ADAM12: variants seen among roughly 807,000 people sequenced by gnomAD.
The protein encoded by ADAM12 is disintegrin and metalloproteinase domain-containing protein 12.
In ADAM12, 70 loss-of-function variants were observed where a neutral mutation model predicts 106.4. That is an observed-to-expected ratio of 0.66 (90% CI 0.54 to 0.80). The LOEUF (loss-of-function observed/expected upper bound fraction) is 0.80. Among genes scored for constraint, ADAM12 ranks in the 30% least tolerant of loss-of-function variants. The probability of loss-of-function intolerance (pLI) is 0.00; values close to 1 mark genes in which losing one functional copy is unlikely to be tolerated. For missense variants in ADAM12, 1,010 were observed against 1,171.9 expected (o/e 0.86, Z 2.02); for synonymous variants, 420 against 433.5 (o/e 0.97, Z 0.39).
In ADAM12 at chr10:126,053,141, C is replaced by T. The variant is rs757887992; in HGVS notation, c.1610-3472G>A. Among the ~76,000 whole-genome samples, 4 of 152,098 alleles carry T rather than the reference C, an allele frequency of 2.6e-5. No individual in the cohort carries two copies. Among genetic ancestry groups the T allele is most frequent in the Middle Eastern group, 3.2e-3 (1 of 316 alleles). On this transcript the variant is annotated intron_variant, in intron 14 of 22. Transcript: ENST00000448723. This position sits in a 1 kb window ranked among gnomAD's most constrained non-coding sequence, Gnocchi z 4.6. ...CTCTCTCTTGCTCCTGCTCCGGCCGCGTGATGTGCCTGCTTCTCCTTCACC... is the reference window on the plus strand; with the variant it reads ...CTCTCTCTTGCTCCTGCTCCGGCCGTGTGATGTGCCTGCTTCTCCTTCACC...
chr10:126,332,676 T>C (rs1253513904), intron 1 of ADAM12, among the ~76,000 whole-genome samples: 2 of 152,132 alleles, frequency 1.3e-5, no homozygotes, highest in African/African-American at 2.4e-5. Flanking sequence ...GCTGCACATA[T>C]AGCCACGAGG....
intron 3 of ADAM12, among the ~76,000 whole-genome samples, chr10:126,193,696 A>G (rs1245106029): frequency 6.6e-6 from 1 of 152,188 alleles, no homozygotes; most frequent in African/African-American, 2.4e-5. Flanking sequence ...CAGGGGTTCG[A>G]GACCAGCCTG....
chr10:126,300,073 T>C (rs1434943983), intron 2 of ADAM12, among the ~76,000 whole-genome samples: 1 of 152,238 alleles, frequency 6.6e-6, no homozygotes, highest in African/African-American at 2.4e-5. Flanking sequence ...AATTCATAAA[T>C]GGATCGTGTG....
At chr10:126,193,768 G>A (rs565032448) in intron 3 of ADAM12, among the ~76,000 whole-genome samples, 2 of 152,086 alleles carry the variant, frequency 1.3e-5, no homozygotes, top group Non-Finnish European at 2.9e-5. Flanking sequence ...GTGGTGGCGT[G>A]CGCCTGTAGT....
At chr10:126,344,866 T>C (rs1313470304) in intron 1 of ADAM12, among the ~76,000 whole-genome samples, 1 of 152,204 alleles carries the variant, frequency 6.6e-6, no homozygotes, top group Non-Finnish European at 1.5e-5. Context: ...TTTTTGCACA[T>C]TGATTTTGTA....
intron 3 of ADAM12, among the ~76,000 whole-genome samples, chr10:126,243,098 T>C (rs1408304684): frequency 6.6e-6 from 1 of 152,204 alleles, no homozygotes; most frequent in Non-Finnish European, 1.5e-5. Flanking sequence ...AGAGCAGCTG[T>C]GATGGCTGCA....
At position 126,257,104 on chromosome 10, in the gene ADAM12, A is replaced by G. The variant is rs1422899785; in HGVS notation, c.260+21811T>C. Among the ~76,000 whole-genome samples the G allele has an allele frequency of 2.0e-5, 3 of 152,284 alleles. No homozygotes were observed. The East Asian group carries it at 5.8e-4, about 29-fold the overall frequency. ...CCACTCTCAGCCCCTTCCTCCCTGA[A>G]CACTGACACCACCTGTATGTGTACT... is the stretch of plus-strand genomic sequence containing the variant. On this transcript the variant is annotated intron_variant, in intron 3 of 22. Coordinates refer to ENST00000448723, the MANE Select transcript of ADAM12 (RefSeq NM_001288973.2).
intron 1 of ADAM12, among the ~76,000 whole-genome samples, chr10:126,338,647 T>G (rs1854805854): frequency 6.6e-6 from 1 of 152,182 alleles, no homozygotes; most frequent in African/African-American, 2.4e-5. Context: ...TAGGTTTTTC[T>G]CAAAGTTGCC....
At chr10:126,227,319 A>G (rs376209171) in intron 3 of ADAM12, among the ~76,000 whole-genome samples, 2,020 of 152,226 alleles carry the variant, frequency 0.013, 38 homozygotes, top group Admixed American at 0.059. Flanking sequence ...CATTGCCATC[A>G]CCACCTGTCA....
At chr10:126,083,126 G>C (rs1278345) in intron 11 of ADAM12, among the ~76,000 whole-genome samples, 105,878 of 152,160 alleles carry the variant, frequency 0.7, 37,262 homozygotes, top group East Asian at 0.82. Flanking sequence ...TTTACTCCAT[G>C]CTGCCTGGAG....
At chr10:126,358,447 C>T (rs1224228302) in intron 1 of ADAM12, among the ~76,000 whole-genome samples, 2 of 152,120 alleles carry the variant, frequency 1.3e-5, no homozygotes, top group South Asian at 2.1e-4. Flanking sequence ...ATTCAATATC[C>T]TTTTATGATA....
intron 3 of ADAM12, among the ~76,000 whole-genome samples, chr10:126,208,170 G>C (rs765094206): frequency 1.4e-4 from 21 of 152,014 alleles, no homozygotes; most frequent in Non-Finnish European, 2.4e-4. Context: ...CACCATAAAA[G>C]GTTCTTAATT....
intron 3 of ADAM12, among the ~76,000 whole-genome samples, chr10:126,200,162 G>A (rs1343729459): frequency 6.6e-6 from 1 of 152,178 alleles, no homozygotes; most frequent in Non-Finnish European, 1.5e-5. Context: ...TGGAACAGGT[G>A]CAAGCTGTTA....
intron 14 of ADAM12, among the ~76,000 whole-genome samples, chr10:126,059,386 A>G (rs1236288835): frequency 6.6e-6 from 1 of 152,228 alleles, no homozygotes; most frequent in African/African-American, 2.4e-5. Context: ...TGTCCTTCCC[A>G]TCTCTCTTCT....
At chr10:126,278,679 A>G (rs1186509136) in intron 3 of ADAM12, among the ~76,000 whole-genome samples, 2 of 152,228 alleles carry the variant, frequency 1.3e-5, no homozygotes, top group Non-Finnish European at 2.9e-5. Flanking sequence ...AAAATAAAAC[A>G]TCAGAACTAT....
chr10:126,149,467 T>C (rs1328926504), intron 4 of ADAM12, among the ~76,000 whole-genome samples: 2 of 152,170 alleles, frequency 1.3e-5, no homozygotes, highest in African/African-American at 2.4e-5. Context: ...GTCAACTTGA[T>C]TGGATTGAAG....
chr10:126,133,655 G>T (rs1303419177), intron 5 of ADAM12, among the ~76,000 whole-genome samples: 3 of 152,082 alleles, frequency 2.0e-5, no homozygotes, highest in African/African-American at 4.8e-5. Context: ...CCCATCACTG[G>T]GGGGGAGGCC....
At chr10:126,159,307 CAAAAAAA>C (rs3069557) in intron 3 of ADAM12, among the ~76,000 whole-genome samples, 27,783 of 80,692 alleles carry the variant, frequency 0.34, 2,918 homozygotes, top group South Asian at 0.58. Context: ...GAGACTCCAT[CAAAAAAA>C]AAAAAAAAAA....
chr10:126,156,363 C>T (rs546783397), intron 3 of ADAM12, among the ~76,000 whole-genome samples: 38 of 152,344 alleles, frequency 2.5e-4, no homozygotes, highest in African/African-American at 8.9e-4. Context: ...TCTCCATTTA[C>T]ATAGGGCGTA....
Sources: gnomAD v4.1 joint callset for allele counts (sites outside exome capture counted in the v4.1 genomes callset) on GRCh38, gnomAD v4.1.1 for gene constraint, Gnocchi (gnomAD v3.1) non-coding constraint, MANE v1.5 for transcripts, NCBI Gene and HGNC (gene_info 2026-07-23, HGNC 2026-07-21) for gene names.